The following MIA2 variants were observed in gnomAD, a reference collection of about 807,000 sequenced individuals.
MIA2 encodes melanoma inhibitory activity protein 2.
MIA2 carries 127 observed loss-of-function variants against 167.8 expected under a neutral mutation model. The ratio of observed to expected loss-of-function variants is 0.76; its 90% CI spans 0.66 to 0.88. MIA2 has a LOEUF of 0.88. MIA2 is among the 40% of genes least tolerant of loss of function. The pLI, the probability that MIA2 is intolerant of heterozygous loss-of-function variation, is 0.00. For missense variants in MIA2, 1,690 were observed against 1,624.7 expected (o/e 1.04, Z -0.69); for synonymous variants, 552 against 541.9 (o/e 1.02, Z -0.26).
Position 39,277,013 on chromosome 14 carries a change from C to A in MIA2, c.1967C>A (p.Ala656Asp). ...GFPWELVICAAVVGFFAVLFF... is the reference protein window; with the variant it reads ...GFPWELVICADVVGFFAVLFF... Reference sequence around the variant, plus strand: ...CCATGGGAATTGGTGATATGTGCAGCTGTTGTTGGATTTTTTGCTGTTCTC... The same window carrying A: ...CCATGGGAATTGGTGATATGTGCAGATGTTGTTGGATTTTTTGCTGTTCTC... The change falls in exon 7 of 29, where the codon GCT becomes GAT. Residue 656 changes from alanine (A) to aspartate (D), a missense_variant. By Grantham distance (126) the Ala-to-Asp change is moderately radical (BLOSUM62 -2). Transcript: ENST00000640607. 1 of 1,613,874 alleles carries A rather than the reference C, an allele frequency of 6.2e-7. No homozygotes were observed. The highest frequency in any genetic ancestry group is 8.5e-7 in the Non-Finnish European group (1 of 1,179,886).
In MIA2 at chr14:39,320,992, T is replaced by C; in HGVS notation, c.3432T>C (p.Ser1144=). Residue 1144 remains serine, a synonymous_variant, in exon 24 of 29, where the codon TCT becomes TCC. Coordinates refer to ENST00000640607, the MANE Select transcript of MIA2 (RefSeq NM_001329214.4). The part of the protein sequence containing the change: ...WPSSETRAFL[S]PPTLLEGPLR... ...CATCTGAAACAAGAGCTTTTCTCTCTCCTCCAACTTTGTTGGAGGGTCCAC... is the reference window on the plus strand; with the variant it reads ...CATCTGAAACAAGAGCTTTTCTCTCCCCTCCAACTTTGTTGGAGGGTCCAC... 6.2e-7 allele frequency: 1 copy of C among 1,613,352 alleles called. No homozygotes were observed. Among genetic ancestry groups the C allele is most frequent in the Non-Finnish European group, 8.5e-7 (1 of 1,179,346 alleles).
intron 3 of MIA2, among the ~76,000 whole-genome samples, chr14:39,242,794 A>T (rs951244558): frequency 1.3e-5 from 2 of 151,914 alleles, no homozygotes; most frequent in African/African-American, 2.4e-5. Context: ...GCTGGGTAGT[A>T]CTCTTGGGAA....
downstream of MIA2, among the ~76,000 whole-genome samples, chr14:39,352,553 T>C (rs1022355171): frequency 4.6e-5 from 7 of 152,022 alleles, no homozygotes; most frequent in Admixed American, 4.6e-4. Context: ...GTCACCTCTT[T>C]GGTATCTGTG....
intron 23 of MIA2, among the ~76,000 whole-genome samples, chr14:39,366,588 C>T (rs1452332379): frequency 6.6e-6 from 1 of 152,198 alleles, no homozygotes; most frequent in Non-Finnish European, 1.5e-5. Flanking sequence ...GCACAGATGC[C>T]AGCAGTGGTG....
At chr14:39,331,531 A>G (rs1341910762) in intron 25 of MIA2, among the ~76,000 whole-genome samples, 1 of 152,076 alleles carries the variant, frequency 6.6e-6, no homozygotes, top group Non-Finnish European at 1.5e-5. Flanking sequence ...CCATTAGTTG[A>G]TGCAGTTTCT....
At chr14:39,280,352 T>G (rs1437860964) in intron 9 of MIA2, among the ~76,000 whole-genome samples, 1 of 152,074 alleles carries the variant, frequency 6.6e-6, no homozygotes, top group Non-Finnish European at 1.5e-5. Context: ...TTTTTTTTTG[T>G]GGGCATGTAT....
intron 20 of MIA2, chr14:39,315,319 T>A (rs899616140): frequency 8.9e-4 from 140 of 157,048 alleles, no homozygotes; most frequent in Admixed American, 1.1e-3. Flanking sequence ...AAAAAAAAAA[T>A]AAAATAAATA....
chr14:39,283,308 C>T (rs1322959779), intron 9 of MIA2, among the ~76,000 whole-genome samples: 1 of 152,164 alleles, frequency 6.6e-6, no homozygotes, highest in Non-Finnish European at 1.5e-5. Context: ...TTAGGAGTCT[C>T]CATACTACTT....
chr14:39,274,306 A>G (rs1049877396), intron 6 of MIA2, among the ~76,000 whole-genome samples: 5 of 152,142 alleles, frequency 3.3e-5, no homozygotes, highest in African/African-American at 1.2e-4. Context: ...TTTGTGAGAT[A>G]GGGTGTTATG....
intron 19 of MIA2, 23 bp from the exon 20 acceptor site, chr14:39,314,716 G>T: frequency 6.7e-7 from 1 of 1,500,878 alleles, no homozygotes; most frequent in Non-Finnish European, 9.0e-7. Flanking sequence ...GTTAATAGTA[G>T]AATAATTATT....
intron 12 of MIA2, 122 bp from the exon 13 acceptor site, chr14:39,294,803 C>A (rs12432397): frequency 3.4e-5 from 24 of 696,174 alleles, no homozygotes; most frequent in Non-Finnish European, 3.1e-5. Context: ...ACCATGCTGC[C>A]TCTGCTGTTA....
chr14:39,288,573 C>G (rs890487688), intron 9 of MIA2, among the ~76,000 whole-genome samples: 1 of 149,132 alleles, frequency 6.7e-6, no homozygotes, highest in Non-Finnish European at 1.5e-5. Flanking sequence ...CTCCCGGGTT[C>G]AAGCGATTCT....
At chr14:39,301,743 G>A (rs1001856592) in intron 14 of MIA2, among the ~76,000 whole-genome samples, 3 of 151,996 alleles carry the variant, frequency 2.0e-5, no homozygotes, top group Non-Finnish European at 2.9e-5. Context: ...AAAAATCTAC[G>A]ATCTTTTTAT....
At chr14:39,241,880 C>T (rs1467838352) in intron 3 of MIA2, among the ~76,000 whole-genome samples, 3 of 152,168 alleles carry the variant, frequency 2.0e-5, no homozygotes, top group Non-Finnish European at 4.4e-5. Context: ...TCTCCCCTCA[C>T]TCACCATGAT....
chr14:39,307,140 A>C (rs1227114808), intron 17 of MIA2, among the ~76,000 whole-genome samples: 1 of 152,086 alleles, frequency 6.6e-6, no homozygotes, highest in African/African-American at 2.4e-5. Context: ...TTAGCTTAAA[A>C]GGGAGGGCTA....
chr14:39,349,069 G>T, intron 28 of MIA2, 92 bp downstream of exon 28: 1 of 1,427,232 alleles, frequency 7.0e-7, no homozygotes, highest in East Asian at 2.4e-5. Flanking sequence ...GTAACACAGT[G>T]GAGGAAAGTT....
intron 4 of MIA2, among the ~76,000 whole-genome samples, chr14:39,249,906 T>C (rs1332381715): frequency 1.3e-5 from 2 of 152,194 alleles, no homozygotes; most frequent in African/African-American, 4.8e-5. Flanking sequence ...CGTAATACCT[T>C]AACATTCCCT....
chr14:39,258,973 G>A (rs182172376), intron 6 of MIA2, among the ~76,000 whole-genome samples: 1 of 152,314 alleles, frequency 6.6e-6, no homozygotes, highest in African/African-American at 2.4e-5. Context: ...AAGGGGCACC[G>A]GCCTGATGCC....
chr14:39,304,940 G>C (rs573402465), intron 17 of MIA2, among the ~76,000 whole-genome samples: 2 of 152,164 alleles, frequency 1.3e-5, no homozygotes, highest in Non-Finnish European at 2.9e-5. Context: ...TTAAAGTTGA[G>C]ATAAATAGCA....
Sources: gnomAD v4.1 joint callset for allele counts (sites outside exome capture counted in the v4.1 genomes callset) on GRCh38, gnomAD v4.1.1 for gene constraint, MANE v1.5 for transcripts, NCBI Gene and HGNC (gene_info 2026-07-23, HGNC 2026-07-21) for gene names.